Variants in TBCK observed in about 807,000 individuals in gnomAD.
TBCK encodes TBC1 domain containing kinase, also known as TBC domain-containing protein kinase-like protein.
Under a neutral mutation model 113.4 loss-of-function variants are expected in TBCK, and 99 were observed. That is an observed-to-expected ratio of 0.87 (90% CI 0.74 to 1.03). The LOEUF (loss-of-function observed/expected upper bound fraction) is 1.03, where lower values mean the gene tolerates loss of function less well. Among genes scored for constraint, TBCK ranks in the 50% least tolerant of loss-of-function variants. The pLI is 0.00. For synonymous variants in TBCK, 369 were observed against 370.8 expected, an observed-to-expected ratio of 1.00 and a Z score of 0.05; for missense variants, 1,045 against 1,061.3, an observed-to-expected ratio of 0.98 and a Z score of 0.21.
chr4:106,176,196 A>C (rs1009526827), intron 22 of TBCK, among the ~76,000 whole-genome samples: 4 of 152,222 alleles, frequency 2.6e-5, no homozygotes, highest in African/African-American at 9.6e-5. Flanking sequence ...AAATCTAGCT[A>C]TTTTGAAATA....
chr4:106,058,349 A>G (rs551228540), intron 25 of TBCK, among the ~76,000 whole-genome samples: 85 of 151,782 alleles, frequency 5.6e-4, no homozygotes, highest in Non-Finnish European at 9.9e-4. Flanking sequence ...GTGCCCTCAC[A>G]TGGTGCTGTA....
At chr4:106,111,796 G>A (rs148716049) in intron 24 of TBCK, among the ~76,000 whole-genome samples, 1 of 152,088 alleles carries the variant, frequency 6.6e-6, no homozygotes, top group African/African-American at 2.4e-5. Flanking sequence ...ACCTCAAAAG[G>A]TTAAATTAAA....
At chr4:106,221,234 C>CT (rs1231853666) in intron 19 of TBCK, among the ~76,000 whole-genome samples, 1 of 152,150 alleles carries the variant, frequency 6.6e-6, no homozygotes, top group Non-Finnish European at 1.5e-5. Flanking sequence ...ATCTGCCCGG[C>CT]TTGGCCTCCC....
chr4:106,087,298 C>T (rs1739627586), intron 25 of TBCK, among the ~76,000 whole-genome samples: 1 of 152,152 alleles, frequency 6.6e-6, no homozygotes, highest in Admixed American at 6.5e-5. Context: ...AATAGGCAGG[C>T]AGAAAGCTAA....
chr4:106,240,954 A>C (rs1345848617), intron 12 of TBCK, among the ~76,000 whole-genome samples: 1 of 152,044 alleles, frequency 6.6e-6, no homozygotes, highest in Admixed American at 6.6e-5. Flanking sequence ...TCTCTATCGC[A>C]ACTACTCAAT....
At position 106,242,638 on chromosome 4, in the gene TBCK, T is replaced by C. The variant is rs575149147; in HGVS notation, c.1071-69A>G. ...TTATTGTTTCTTCTAGAAAGTAAAGTTTATTCTAAGTCATCAATCCCTTCA... is the reference window on the plus strand; with the variant it reads ...TTATTGTTTCTTCTAGAAAGTAAAGCTTATTCTAAGTCATCAATCCCTTCA... On this transcript the variant is annotated intron_variant, in intron 11 of 25. Transcript: ENST00000394708. 1.3e-5 allele frequency: 14 copies of C among 1,096,736 alleles called. No homozygotes were observed. The East Asian group carries it at 3.7e-4, about 29-fold the overall frequency. 67.9% of individuals were successfully genotyped at this position (1,096,736 alleles called of 1,614,324 possible).
intron 22 of TBCK, among the ~76,000 whole-genome samples, chr4:106,181,856 T>G (rs910936400): frequency 2.6e-5 from 4 of 152,180 alleles, no homozygotes; most frequent in Admixed American, 2.6e-4. Context: ...TGTGGGCTCT[T>G]TTTTGGTTCC....
intron 18 of TBCK, 76 bp downstream of exon 18, chr4:106,231,652 AC>A: frequency 5.0e-6 from 7 of 1,404,870 alleles, no homozygotes; most frequent in Non-Finnish European, 6.9e-6. Flanking sequence ...TAAAACAAAA[AC>A]AAAAACCTTT....
At chr4:106,299,155 T>C (rs1345645692) in intron 2 of TBCK, among the ~76,000 whole-genome samples, 1 of 152,190 alleles carries the variant, frequency 6.6e-6, no homozygotes, top group Non-Finnish European at 1.5e-5. Flanking sequence ...GTGTCTAGAA[T>C]GTCACCTACA....
At chr4:106,229,095 A>C (rs540148328) in intron 19 of TBCK, among the ~76,000 whole-genome samples, 1 of 152,096 alleles carries the variant, frequency 6.6e-6, no homozygotes, top group East Asian at 1.9e-4. Flanking sequence ...TCAGATTATT[A>C]GATTTTTTTT....
intron 5 of TBCK, among the ~76,000 whole-genome samples, chr4:106,252,804 C>A (rs1490564763): frequency 6.6e-6 from 1 of 152,022 alleles, no homozygotes; most frequent in Non-Finnish European, 1.5e-5. Context: ...AAGGTATGTG[C>A]ATTTTAAATT....
Position 106,072,368 on chromosome 4 carries a change from T to TG in TBCK, c.2571+23113dup, listed in dbSNP as rs542781587. Reference sequence around the variant, plus strand: ...CTTCACTTATGAAACTTAGTTTGGCTGGATATGAAATTCTGGGTTGAAAAT... The same window carrying TG: ...CTTCACTTATGAAACTTAGTTTGGCTGGGATATGAAATTCTGGGTTGAAAAT... On this transcript the variant is annotated intron_variant, in intron 25 of 25. Transcript: ENST00000394708. 3.4e-3 allele frequency among the ~76,000 whole-genome samples: 519 copies of TG among 152,338 alleles called. 4 individuals are homozygous for TG. The highest frequency in any genetic ancestry group is 0.012 in the African/African-American group (487 of 41,574).
At chr4:106,119,958 A>G (rs1372022603) in intron 23 of TBCK, among the ~76,000 whole-genome samples, 2 of 152,210 alleles carry the variant, frequency 1.3e-5, no homozygotes, top group African/African-American at 4.8e-5. Context: ...ACAATGTGAG[A>G]GGAGCCAAGA....
rs1747088396 is a variant in TBCK, at chr4:106,140,904, G to A, written c.2236-24526C>T. On this transcript the variant is annotated intron_variant, in intron 23 of 25. Coordinates refer to ENST00000394708, the MANE Select transcript of TBCK (RefSeq NM_001163435.3). ...AATTAGGACAGAGCCTAGATTTAAA[G>A]CTGGCTCTAAAATCAAAATAGTCTA... Among the ~76,000 whole-genome samples, 2 of 140,330 alleles carry A rather than the reference G, an allele frequency of 1.4e-5. 1 individual carries two copies. The highest frequency in any genetic ancestry group is 5.0e-5 in the African/African-American group (2 of 39,758). The allele number at this position is 140,330 out of a possible 152,430, so 92.1% of individuals were successfully genotyped here. A position where few individuals can be genotyped will look rare whatever the true frequency, so the allele number is the denominator to read the frequency against.
At chr4:106,188,488 T>C (rs1454415536) in intron 22 of TBCK, among the ~76,000 whole-genome samples, 3 of 152,170 alleles carry the variant, frequency 2.0e-5, no homozygotes, top group Non-Finnish European at 4.4e-5. Flanking sequence ...CAAAATATGC[T>C]TAATAACACT....
chr4:106,152,176 G>A (rs1748571873), intron 23 of TBCK, among the ~76,000 whole-genome samples: 1 of 151,872 alleles, frequency 6.6e-6, no homozygotes, highest in African/African-American at 2.4e-5. Flanking sequence ...TTAGAGGAAA[G>A]GCTTTCAGTT....
intron 5 of TBCK, among the ~76,000 whole-genome samples, chr4:106,257,246 C>T (rs950562617): frequency 1.4e-4 from 22 of 152,016 alleles, no homozygotes; most frequent in Admixed American, 1.2e-3. Flanking sequence ...CATGCCCTTT[C>T]GTCATTTATT....
At chr4:106,062,153 T>C (rs959273741) in intron 25 of TBCK, among the ~76,000 whole-genome samples, 2 of 151,894 alleles carry the variant, frequency 1.3e-5, no homozygotes, top group East Asian at 3.9e-4. Context: ...GATCTTCCTA[T>C]AGATTTATAG....
intron 23 of TBCK, among the ~76,000 whole-genome samples, chr4:106,155,146 T>A (rs1056821423): frequency 2.1e-5 from 2 of 96,472 alleles, no homozygotes; most frequent in African/African-American, 4.3e-5. Context: ...TAGGGTAAAA[T>A]TTTTTTTTTT....
Sources: allele counts gnomAD v4.1 joint callset (sites outside exome capture counted in the v4.1 genomes callset), GRCh38; gene constraint gnomAD v4.1.1; transcripts MANE v1.5; gene names NCBI Gene and HGNC (gene_info 2026-07-23, HGNC 2026-07-21).